FASTKD1: variants seen among roughly 807,000 people sequenced by gnomAD.
The protein encoded by FASTKD1 is FAST kinase domain-containing protein 1, mitochondrial.
In FASTKD1, 94 loss-of-function variants were observed where a neutral mutation model predicts 90.9. The ratio of observed to expected loss-of-function variants is 1.03; its 90% CI spans 0.88 to 1.23. The LOEUF (loss-of-function observed/expected upper bound fraction) is 1.23, where lower values mean the gene tolerates loss of function less well. Among genes scored for constraint, FASTKD1 ranks in the 50% most tolerant of loss-of-function variants. The probability of loss-of-function intolerance (pLI) is 0.00; values close to 1 mark genes in which losing one functional copy is unlikely to be tolerated. For synonymous variants in FASTKD1, 319 were observed against 345.8 expected (o/e 0.92, Z 0.86); for missense variants, 945 against 993.5 (o/e 0.95, Z 0.66).
At chr2:169,561,754 T>TATTTATTAATTTATTATA (rs1683625439) in intron 4 of FASTKD1, among the ~76,000 whole-genome samples, 3 of 137,610 alleles carry the variant, frequency 2.2e-5, no homozygotes, top group African/African-American at 5.5e-5. Flanking sequence ...CATTATAAAT[T>TATTTATTAATTTATTATA]ATTTATTAAT....
At chr2:169,549,791 C>T (rs1209269017) in intron 7 of FASTKD1, among the ~76,000 whole-genome samples, 1 of 152,064 alleles carries the variant, frequency 6.6e-6, no homozygotes, top group Non-Finnish European at 1.5e-5. Context: ...AATTAGCATA[C>T]TAAAATAATC....
rs897010178 is a variant in FASTKD1 at position 169,556,092 on chromosome 2, A to G, written c.1083-837T>C. Among the ~76,000 whole-genome samples, 94 of 152,180 alleles carry G rather than the reference A, an allele frequency of 6.2e-4. 2 individuals are homozygous for G. Among genetic ancestry groups the G allele is most frequent in the Non-Finnish European group, 2.9e-5 (2 of 68,024 alleles). ...TAAAAGGAGGGTCTTTATGCTCTCTATTTTACAAGGTTATGATGCTCTGCT... is the reference window on the plus strand; with the variant it reads ...TAAAAGGAGGGTCTTTATGCTCTCTGTTTTACAAGGTTATGATGCTCTGCT... On this transcript the variant is annotated intron_variant, in intron 6 of 14. Coordinates refer to ENST00000453153, the MANE Select transcript of FASTKD1 (RefSeq NM_024622.6).
rs75799202 is a variant in FASTKD1 at position 169,555,896 on chromosome 2, T to G, written c.1083-641A>C. On this transcript the variant is annotated intron_variant, in intron 6 of 14. Transcript: ENST00000453153. Reference sequence around the variant, plus strand: ...AATTCAAGTTCATATAGACATTGACTGTGCTGCAGAAACTTTCCTTTTGAA... The same window carrying G: ...AATTCAAGTTCATATAGACATTGACGGTGCTGCAGAAACTTTCCTTTTGAA... Among the ~76,000 whole-genome samples the G allele has an allele frequency of 8.6e-3, 1,308 of 152,338 alleles. 25 individuals are homozygous for G. The highest frequency in any genetic ancestry group is 0.03 in the African/African-American group (1,227 of 41,574).
chr2:169,533,629 CTAT>C (rs1316118938), intron 12 of FASTKD1, among the ~76,000 whole-genome samples: 1 of 151,864 alleles, frequency 6.6e-6, no homozygotes, highest in African/African-American at 2.4e-5. Context: ...AAAAATAAAC[CTAT>C]TATTGTTGTT....
intron 14 of FASTKD1, among the ~76,000 whole-genome samples, chr2:169,530,215 A>G (rs765992325): frequency 2.6e-5 from 4 of 152,192 alleles, no homozygotes; most frequent in Non-Finnish European, 4.4e-5. Context: ...AACTCTATCC[A>G]TCTCTACAGT....
At chr2:169,530,861 T>C in intron 13 of FASTKD1, 160 bp from the exon 14 acceptor site, 1 of 657,770 alleles carries the variant, frequency 1.5e-6, no homozygotes, top group Non-Finnish European at 2.7e-6. Flanking sequence ...TAGTAATTGA[T>C]GACAAACCTA....
intron 7 of FASTKD1, among the ~76,000 whole-genome samples, chr2:169,548,542 C>G (rs1277043212): frequency 6.6e-6 from 1 of 150,992 alleles, no homozygotes; most frequent in Non-Finnish European, 1.5e-5. Context: ...ACTAGCCTGG[C>G]CAACATAATG....
intron 10 of FASTKD1, 54 bp downstream of exon 10, chr2:169,539,997 A>C: frequency 8.5e-7 from 1 of 1,170,372 alleles, no homozygotes; most frequent in Non-Finnish European, 1.2e-6. Flanking sequence ...TAGACCTGAG[A>C]CTTGGATATA....
At chr2:169,568,279 T>C (rs778930613) in intron 3 of FASTKD1, among the ~76,000 whole-genome samples, 1 of 152,108 alleles carries the variant, frequency 6.6e-6, no homozygotes. Flanking sequence ...TCTTTTTTTC[T>C]CCTTTCCTGG....
chr2:169,560,839 CTTTTTTT>C (rs1204635514), intron 4 of FASTKD1, 54 bp from the exon 5 acceptor site: 99 of 249,014 alleles, frequency 4.0e-4, no homozygotes, highest in Middle Eastern at 1.5e-3. Context: ...ATGATCAATT[CTTTTTTT>C]TTTTTTTTTT....
intron 4 of FASTKD1, among the ~76,000 whole-genome samples, chr2:169,562,165 AT>A (rs1206038617): frequency 1.4e-5 from 2 of 147,576 alleles, no homozygotes; most frequent in Non-Finnish European, 3.0e-5. Flanking sequence ...TTATTTATTA[AT>A]TTATTTTTTG....
intron 4 of FASTKD1, among the ~76,000 whole-genome samples, chr2:169,561,587 T>G (rs1683601695): frequency 6.6e-6 from 1 of 151,242 alleles, no homozygotes; most frequent in South Asian, 2.1e-4. Context: ...CTCTCCTTTA[T>G]GAAACTGAAA....
At chr2:169,561,758 TATTA>T (rs1276307962) in intron 4 of FASTKD1, among the ~76,000 whole-genome samples, 64 of 138,362 alleles carry the variant, frequency 4.6e-4, no homozygotes, top group African/African-American at 1.7e-3. Context: ...ATAAATTATT[TATTA>T]ATTTATTGTA....
chr2:169,552,551 C>A (rs1026081755), intron 7 of FASTKD1, among the ~76,000 whole-genome samples: 1 of 152,022 alleles, frequency 6.6e-6, no homozygotes, highest in African/African-American at 2.4e-5. Flanking sequence ...ATTTAATACA[C>A]CTTTAATCAG....
chr2:169,536,754 A>C (rs1684738764), intron 12 of FASTKD1, among the ~76,000 whole-genome samples: 1 of 152,204 alleles, frequency 6.6e-6, no homozygotes, highest in African/African-American at 2.4e-5. Context: ...CTACAACTAG[A>C]CCAGTTGAGA....
chr2:169,529,898 G>C lies in FASTKD1; in HGVS notation c.2471C>G (p.Ala824Gly). 1 of 1,612,758 alleles carries C rather than the reference G, an allele frequency of 6.2e-7. No individual in the cohort carries two copies. Among genetic ancestry groups the C allele is most frequent in the Non-Finnish European group, 8.5e-7 (1 of 1,179,238 alleles). The change falls in exon 15 of 15, where the codon GCA becomes GGA. Residue 824 changes from alanine to glycine, a missense_variant. Coordinates refer to ENST00000453153, the MANE Select transcript of FASTKD1 (RefSeq NM_024622.6). ...QISQFEWNSM[A>G]LSTKDARMDY... ...CATCCGAGCATCCTTTGTTGACAGTGCCATAGAGTTCCATTCAAACTGGGA... is the reference window on the plus strand; with the variant it reads ...CATCCGAGCATCCTTTGTTGACAGTCCCATAGAGTTCCATTCAAACTGGGA...
intron 4 of FASTKD1, among the ~76,000 whole-genome samples, chr2:169,562,900 C>T (rs1343643049): frequency 2.0e-5 from 3 of 152,106 alleles, no homozygotes; most frequent in Non-Finnish European, 2.9e-5. Flanking sequence ...AAACAAAGTC[C>T]TCTCTCTGAC....
rs748071190 is a variant in FASTKD1 at position 169,540,103 on chromosome 2, T to C, written c.1893A>G (p.Leu631=). The part of the protein sequence containing the change: ...ATLEYFPEDL[L]KAIFNIKFLA... ...AGAATTTGATGTTAAAAATTGCCTT[T>C]AGCAGATCTTCTGGAAAATATTCAA... The change falls in exon 10 of 15, where the codon CTA becomes CTG. Residue 631 remains leucine, a synonymous_variant. Coordinates refer to ENST00000453153, the MANE Select transcript of FASTKD1 (RefSeq NM_024622.6). 1.2e-6 allele frequency: 2 copies of C among 1,610,298 alleles called. No individual in the cohort carries two copies. The highest frequency in any genetic ancestry group is 1.7e-5 in the Admixed American group (1 of 59,746).
intron 4 of FASTKD1, among the ~76,000 whole-genome samples, chr2:169,561,755 AT>A (rs1277767884): frequency 4.3e-5 from 6 of 139,158 alleles, no homozygotes; most frequent in African/African-American, 1.6e-4. Context: ...ATTATAAATT[AT>A]TTATTAATTT....
Sources: allele counts gnomAD v4.1 joint callset (sites outside exome capture counted in the v4.1 genomes callset), GRCh38; gene constraint gnomAD v4.1.1; transcripts MANE v1.5; gene names NCBI Gene and HGNC (gene_info 2026-07-23, HGNC 2026-07-21).